CDKAL1: variants seen among roughly 807,000 people sequenced by gnomAD.
CDKAL1 encodes threonylcarbamoyladenosine tRNA methylthiotransferase.
A neutral mutation model predicts 68.2 loss-of-function variants in CDKAL1; 32 were observed. The ratio of observed to expected loss-of-function variants is 0.47; its 90% confidence interval spans 0.35 to 0.63. The LOEUF is 0.63. Ranked by LOEUF, CDKAL1 falls within the 30% of genes least tolerant of loss-of-function variation. The pLI, the probability that CDKAL1 is intolerant of heterozygous loss-of-function variation, is 0.00. For missense variants in CDKAL1, 606 were observed against 696.7 expected (o/e 0.87, Z 1.47); for synonymous variants, 234 against 244.3 (o/e 0.96, Z 0.39).
At chr6:20,672,631 A>G (rs1295938817) in intron 5 of CDKAL1, among the ~76,000 whole-genome samples, 1 of 152,180 alleles carries the variant, frequency 6.6e-6, no homozygotes, top group African/African-American at 2.4e-5. Context: ...CTGGGATTAC[A>G]GGTGTGAGCT....
At chr6:21,119,332 A>G (rs966060918) in intron 13 of CDKAL1, among the ~76,000 whole-genome samples, 1 of 152,344 alleles carries the variant, frequency 6.6e-6, no homozygotes, top group East Asian at 1.9e-4. Flanking sequence ...GTAAAATCAT[A>G]CTTTCTAGGA....
intron 2 of CDKAL1, among the ~76,000 whole-genome samples, chr6:20,536,793 C>T (rs1414272648): frequency 2.6e-5 from 4 of 152,064 alleles, no homozygotes; most frequent in African/African-American, 4.8e-5. Flanking sequence ...GACAACAAAG[C>T]GAGACCTTGT....
intron 5 of CDKAL1, among the ~76,000 whole-genome samples, chr6:20,708,114 T>C (rs1038574464): frequency 7.9e-5 from 12 of 152,198 alleles, no homozygotes; most frequent in Admixed American, 6.5e-4. Flanking sequence ...TGGTAACTTA[T>C]TTACTTTACC....
At chr6:20,550,860 CTTTTTTTTTTT>C (rs70990044) in intron 4 of CDKAL1, among the ~76,000 whole-genome samples, 3 of 72,908 alleles carry the variant, frequency 4.1e-5, no homozygotes, top group East Asian at 8.8e-4. Context: ...GAGGTTGTGT[CTTTTTTTTTTT>C]TTTTTTTTTT....
intron 9 of CDKAL1, among the ~76,000 whole-genome samples, chr6:20,870,407 T>C (rs9350295): frequency 0.96 from 145,975 of 152,288 alleles, 69,977 homozygotes; most frequent in East Asian, 1. Context: ...CTTATTTTTC[T>C]CCTATTATAT....
chr6:21,155,623 C>T (rs1480649736), intron 13 of CDKAL1, among the ~76,000 whole-genome samples: 2 of 152,134 alleles, frequency 1.3e-5, no homozygotes, highest in Non-Finnish European at 2.9e-5. Context: ...GTGCCTAGCA[C>T]GTATAGAAGG....
At chr6:20,716,389 A>G (rs1021809559) in intron 5 of CDKAL1, among the ~76,000 whole-genome samples, 1 of 152,124 alleles carries the variant, frequency 6.6e-6, no homozygotes, top group African/African-American at 2.4e-5. Flanking sequence ...GAGCTGGGGA[A>G]TGAGATTTTT....
chr6:21,189,458 G>T (rs775982066), intron 13 of CDKAL1, among the ~76,000 whole-genome samples: 3 of 152,106 alleles, frequency 2.0e-5, no homozygotes, highest in East Asian at 1.9e-4. Context: ...TGTATCTAAA[G>T]AATTTTTTTT....
rs114517736 is a variant in CDKAL1 at position 20,839,237 on chromosome 6, G to A, written c.639-6838G>A. Among the ~76,000 whole-genome samples, 1,156 of 152,204 alleles carry A rather than the reference G, an allele frequency of 7.6e-3. 24 individuals carry two copies. The highest frequency in any genetic ancestry group is 0.026 in the African/African-American group (1,084 of 41,534). On this transcript the variant is annotated intron_variant, in intron 8 of 15. Transcript: ENST00000274695. ...ACTCGATGGATTTTTTTGCTGGCCT[G>A]TGATAAAATGAGAAATATAAGGAAA...
At chr6:20,852,666 A>G (rs1581700529) in intron 9 of CDKAL1, among the ~76,000 whole-genome samples, 2 of 152,358 alleles carry the variant, frequency 1.3e-5, no homozygotes, top group Non-Finnish European at 1.5e-5. Context: ...TTAGACTATC[A>G]GTGGCAGAAA....
At chr6:21,125,005 C>T (rs1774922829) in intron 13 of CDKAL1, among the ~76,000 whole-genome samples, 2 of 152,052 alleles carry the variant, frequency 1.3e-5, no homozygotes, top group African/African-American at 2.4e-5. Context: ...AGTGTCTACT[C>T]ATAAGTTGTT....
intron 6 of CDKAL1, among the ~76,000 whole-genome samples, chr6:20,749,867 C>T (rs1037996268): frequency 3.3e-5 from 5 of 151,502 alleles, no homozygotes; most frequent in African/African-American, 1.2e-4. Flanking sequence ...TTTTTCTTTT[C>T]CTTTTTTGTT....
intron 9 of CDKAL1, among the ~76,000 whole-genome samples, chr6:20,945,725 G>C (rs7773189): frequency 1.3e-5 from 2 of 151,934 alleles, no homozygotes; most frequent in Admixed American, 6.6e-5. Flanking sequence ...GAAAAGAAAA[G>C]AAATAAAAGA....
chr6:21,226,076 G>C (rs982597030), intron 15 of CDKAL1, among the ~76,000 whole-genome samples: 1 of 152,188 alleles, frequency 6.6e-6, no homozygotes, highest in Non-Finnish European at 1.5e-5. Context: ...CCCAGAGCTC[G>C]AGGACTTACT....
intron 4 of CDKAL1, among the ~76,000 whole-genome samples, chr6:20,646,159 C>T (rs1768449366): frequency 7.0e-6 from 1 of 143,120 alleles, no homozygotes; most frequent in South Asian, 2.2e-4. Context: ...CAGGTTCAAG[C>T]AATTCTTCTG....
At chr6:21,113,669 A>G (rs1409507724) in intron 13 of CDKAL1, among the ~76,000 whole-genome samples, 2 of 151,448 alleles carry the variant, frequency 1.3e-5, no homozygotes, top group East Asian at 4.1e-4. Context: ...GGGTTTCACC[A>G]TGTTGGCCAG....
At chr6:20,593,666 C>G (rs1483156351) in intron 4 of CDKAL1, among the ~76,000 whole-genome samples, 1 of 147,594 alleles carries the variant, frequency 6.8e-6, no homozygotes, top group African/African-American at 2.5e-5. Context: ...TTATTTGTCT[C>G]TCTATCTCCT....
chr6:21,072,655 C>T (rs1395539511), intron 12 of CDKAL1, among the ~76,000 whole-genome samples: 1 of 148,056 alleles, frequency 6.8e-6, no homozygotes, highest in Non-Finnish European at 1.5e-5. Context: ...ACTTCAGTCA[C>T]CCAGGCCTGG....
intron 10 of CDKAL1, among the ~76,000 whole-genome samples, chr6:20,989,785 A>G (rs1382342087): frequency 6.6e-6 from 1 of 152,060 alleles, no homozygotes; most frequent in Non-Finnish European, 1.5e-5. Flanking sequence ...TCTCTTTGTT[A>G]TTTTATTTCA....
Sources: allele counts gnomAD v4.1 joint callset (sites outside exome capture counted in the v4.1 genomes callset), GRCh38; gene constraint gnomAD v4.1.1; transcripts MANE v1.5; gene names NCBI Gene and HGNC (gene_info 2026-07-23, HGNC 2026-07-21).